PIK3R2: variants seen among roughly 807,000 people sequenced by gnomAD.
The protein encoded by PIK3R2 is phosphatidylinositol 3-kinase regulatory subunit beta.
In PIK3R2, 40 loss-of-function variants were observed where a neutral mutation model predicts 78.5. That is an observed-to-expected ratio of 0.51 (90% confidence interval 0.40 to 0.66). The LOEUF (loss-of-function observed/expected upper bound fraction) is 0.66. Among genes scored for constraint, PIK3R2 ranks in the 30% least tolerant of loss-of-function variants. The probability of loss-of-function intolerance (pLI) is 0.00; values close to 1 mark genes in which losing one functional copy is unlikely to be tolerated. For synonymous variants in PIK3R2, 473 were observed against 457.7 expected (o/e 1.03, Z -0.43); for missense variants, 880 against 1,026.6 (o/e 0.86, Z 1.95).
At chr19:18,163,170 G>C (rs1860380505) in intron 10 of PIK3R2, 23 bp downstream of exon 10, 9 of 1,613,654 alleles carry the variant, frequency 5.6e-6, no homozygotes, top group Admixed American at 1.7e-5. Flanking sequence ...CTGGGAGCCA[G>C]GGAGGGTAGC....
At position 18,161,148 on chromosome 19, in the gene PIK3R2, C is replaced by G. The variant is rs1372568022; in HGVS notation, c.561C>G (p.Thr187=). The G allele has an allele frequency of 1.3e-6, 2 of 1,552,432 alleles. No individual in the cohort carries two copies. Among genetic ancestry groups the G allele is most frequent in the Non-Finnish European group, 1.7e-6 (2 of 1,148,778 alleles). ...FLLALPAPLV[T]PEASAEARRA... is the part of the protein sequence containing the mutation. Reference sequence around the variant, plus strand: ...TGGCACTGCCCGCGCCGCTCGTGACCCCCGAGGCCTCGGCCGAGGCGCGCC... The same window carrying G: ...TGGCACTGCCCGCGCCGCTCGTGACGCCCGAGGCCTCGGCCGAGGCGCGCC... The change falls in exon 5 of 16, where the codon ACC becomes ACG. Residue 187 remains threonine (T), a synonymous_variant. Transcript: ENST00000222254. This position sits in a 1 kb window ranked among gnomAD's most constrained non-coding sequence, Gnocchi z 5.3.
intron 9 of PIK3R2, 49 bp from the exon 10 acceptor site, chr19:18,162,918 G>A (rs1463451057): frequency 1.9e-6 from 3 of 1,549,178 alleles, no homozygotes; most frequent in Non-Finnish European, 2.7e-6. Flanking sequence ...AGGGATTGAG[G>A]GTCAGGTGCG....
intron 3 of PIK3R2, 45 bp from the exon 4 acceptor site, chr19:18,160,873 CG>C (rs781645029): frequency 6.3e-7 from 1 of 1,575,674 alleles, no homozygotes; most frequent in African/African-American, 1.3e-5. Flanking sequence ...CTCACGAGGT[CG>C]GGGCAGCATT....
chr19:18,162,901 A>G (rs1319988598), intron 9 of PIK3R2, 66 bp from the exon 10 acceptor site: 11 of 1,445,154 alleles, frequency 7.6e-6, no homozygotes, highest in Middle Eastern at 2.2e-4. Context: ...TCAAAAAAAA[A>G]GGGGACAGGG....
At chr19:18,158,589 G>A (rs184644759) in intron 2 of PIK3R2, among the ~76,000 whole-genome samples, 640 of 151,692 alleles carry the variant, frequency 4.2e-3, no homozygotes, top group Non-Finnish European at 5.8e-3. Flanking sequence ...CTAGGATTGC[G>A]CCACTGCACT....
At chr19:18,166,493 C>T (rs987059585) in intron 12 of PIK3R2, among the ~76,000 whole-genome samples, 191 bp downstream of exon 12, 1 of 152,042 alleles carries the variant, frequency 6.6e-6, no homozygotes, top group African/African-American at 2.4e-5. Context: ...GGTGGATCTC[C>T]TGAGGCCAGG....
rs1211308935 is a variant in PIK3R2 at position 18,161,756 on chromosome 19, G to A, written c.816-210G>A. Among the ~76,000 whole-genome samples the A allele has an allele frequency of 1.3e-5, 2 of 152,192 alleles. No individual in the cohort carries two copies. The highest frequency in any genetic ancestry group is 6.5e-5 in the Admixed American group (1 of 15,280). ...GTCGCAGCTCCGGTACTGGTCTCTC[G>A]CTCGCCTTTGTGTGAGAATCTATGG... On this transcript the variant is annotated intron_variant, in intron 6 of 15. Coordinates refer to ENST00000222254, the MANE Select transcript of PIK3R2 (RefSeq NM_005027.4). This position sits in a 1 kb window ranked among gnomAD's most constrained non-coding sequence, Gnocchi z 5.3.
At position 18,168,037 on chromosome 19, in the gene PIK3R2, G is replaced by A. The variant is rs569397003; in HGVS notation, c.1737-438G>A. Among the ~76,000 whole-genome samples the A allele has an allele frequency of 5.9e-5, 9 of 152,282 alleles. No individual in the cohort carries two copies. Among genetic ancestry groups the A allele is most frequent in the South Asian group, 2.1e-4 (1 of 4,822 alleles). On this transcript the variant is annotated intron_variant, in intron 13 of 15. Transcript: ENST00000222254. This position sits in a 1 kb window ranked among gnomAD's most constrained non-coding sequence, Gnocchi z 4.1. ...TGGGCCTCAGGGAGGGCACTGTCGC[G>A]TGCCAGGTGCTGTGCTAAGCACCGT...
chr19:18,155,400 G>T, intron 1 of PIK3R2, 57 bp from the exon 2 acceptor site: 1 of 377,468 alleles, frequency 2.6e-6, no homozygotes, highest in Non-Finnish European at 4.7e-6. Context: ...GCCCATCTCC[G>T]TGTTGGGGGT....
At position 18,168,632 on chromosome 19, in the gene PIK3R2, C is replaced by A; in HGVS notation, c.1808+86C>A. On this transcript the variant is annotated intron_variant, in intron 14 of 15. Coordinates refer to ENST00000222254, the MANE Select transcript of PIK3R2 (RefSeq NM_005027.4). This position sits in a 1 kb window ranked among gnomAD's most constrained non-coding sequence, Gnocchi z 4.1. ...GGGTTTCGAAGAATGAGTAGGAGTT[C>A]ACCAGGGAGGAAAAGTTGTCCAGGC... The A allele has an allele frequency of 1.8e-6, 2 of 1,089,058 alleles. No individual in the cohort carries two copies. Among genetic ancestry groups the A allele is most frequent in the South Asian group, 1.3e-5 (1 of 79,370 alleles). The allele number at this position is 1,089,058 out of a possible 1,614,324, so 67.5% of individuals were successfully genotyped here. A position where few individuals can be genotyped will look rare whatever the true frequency, so the allele number is the denominator to read the frequency against.
In PIK3R2 at chr19:18,156,729, G is replaced by C. The variant is rs1339369076; in HGVS notation, c.322+528G>C. Among the ~76,000 whole-genome samples the C allele has an allele frequency of 6.6e-6, 1 of 152,172 alleles. No homozygotes were observed. The highest frequency in any genetic ancestry group is 1.9e-4 in the East Asian group (1 of 5,194). Reference sequence around the variant, plus strand: ...CCTGATTTCCAAAATGAAGCCACAAGGAGGGTAGGATGTGGGCTGCTCAGC... The same window carrying C: ...CCTGATTTCCAAAATGAAGCCACAACGAGGGTAGGATGTGGGCTGCTCAGC... On this transcript the variant is annotated intron_variant, in intron 2 of 15. Transcript: ENST00000222254. The surrounding 1 kb of genome is among the most constrained non-coding windows in gnomAD (Gnocchi z 4.2).
At position 18,167,380 on chromosome 19, in the gene PIK3R2, TCA is replaced by T; in HGVS notation, c.1736+75_1736+76del. On this transcript the variant is annotated intron_variant, in intron 13 of 15. Coordinates refer to ENST00000222254, the MANE Select transcript of PIK3R2 (RefSeq NM_005027.4). The surrounding 1 kb of genome is among the most constrained non-coding windows in gnomAD (Gnocchi z 4.5). ...GCACATGGAGATCTCTCTAGGAGTC[TCA>T]GTCTCTCTCTCTCCACCAAGTGGCC... The T allele has an allele frequency of 2.4e-6, 3 of 1,273,774 alleles. No homozygotes were observed. Among genetic ancestry groups the T allele is most frequent in the East Asian group, 2.8e-5 (1 of 36,220 alleles). 78.9% of individuals were successfully genotyped at this position (1,273,774 alleles called of 1,614,324 possible). A position where few individuals can be genotyped will look rare whatever the true frequency, so the allele number is the denominator to read the frequency against.
At position 18,156,570 on chromosome 19, in the gene PIK3R2, A is replaced by G. The variant is rs182940412; in HGVS notation, c.322+369A>G. Among the ~76,000 whole-genome samples, 2,207 of 152,226 alleles carry G rather than the reference A, an allele frequency of 0.014. 43 individuals are homozygous for G. Among genetic ancestry groups the G allele is most frequent in the Non-Finnish European group, 0.017 (1,145 of 67,990 alleles). ...GACCAGAGGGAGGAAGGGGAGGGCA[A>G]TGTGCGCTGGCATGGAGGACTTAGT... On this transcript the variant is annotated intron_variant, in intron 2 of 15. Coordinates refer to ENST00000222254, the MANE Select transcript of PIK3R2 (RefSeq NM_005027.4). This position sits in a 1 kb window ranked among gnomAD's most constrained non-coding sequence, Gnocchi z 4.2.
intron 11 of PIK3R2, among the ~76,000 whole-genome samples, chr19:18,164,722 G>A (rs10409167): frequency 0.49 from 71,594 of 145,130 alleles, 18,233 homozygotes; most frequent in East Asian, 0.74. Flanking sequence ...TGCAACCTCC[G>A]CCTCCCTGGT....
rs780564312 is a variant in PIK3R2 at position 18,156,250 on chromosome 19, C to T, written c.322+49C>T. On this transcript the variant is annotated intron_variant, in intron 2 of 15. Coordinates refer to ENST00000222254, the MANE Select transcript of PIK3R2 (RefSeq NM_005027.4). The surrounding 1 kb of genome is among the most constrained non-coding windows in gnomAD (Gnocchi z 4.2). ...GAAAGGGGGGTGGTCCCCTCAGACC[C>T]TTGGTCTCCTCTTCTGTCCAGTGAG... 1 of 1,351,402 alleles carries T rather than the reference C, an allele frequency of 7.4e-7. No homozygotes were observed. The highest frequency in any genetic ancestry group is 2.7e-5 in the Admixed American group (1 of 36,980). The allele number at this position is 1,351,402 out of a possible 1,614,324, so 83.7% of individuals were successfully genotyped here.
intron 2 of PIK3R2, 147 bp from the exon 3 acceptor site, chr19:18,160,324 C>A (rs1191368944): frequency 1.7e-5 from 11 of 636,660 alleles, no homozygotes; most frequent in South Asian, 1.1e-4. Flanking sequence ...CTTGCAGCCT[C>A]CTGCGGATGG....
At chr19:18,160,666 C>G (rs576071469) in intron 3 of PIK3R2, 103 bp downstream of exon 3, 187 of 1,010,382 alleles carry the variant, frequency 1.9e-4, no homozygotes, top group Non-Finnish European at 2.7e-4. Flanking sequence ...TGCACGGAAA[C>G]AGGCTGAGCC....
chr19:18,156,297 G>A lies in PIK3R2; in HGVS notation c.322+96G>A. The A allele has an allele frequency of 1.0e-6, 1 of 968,052 alleles. No individual in the cohort carries two copies. The highest frequency in any genetic ancestry group is 1.4e-6 in the Non-Finnish European group (1 of 689,782). 60.0% of individuals were successfully genotyped at this position (968,052 alleles called of 1,614,324 possible). ...TGAGGCAATGGGATCTCCAAGGAAG[G>A]AGGAAAAAGGACATTTGGTCATTTG... On this transcript the variant is annotated intron_variant, in intron 2 of 15. Transcript: ENST00000222254. The surrounding 1 kb of genome is among the most constrained non-coding windows in gnomAD (Gnocchi z 4.2).
intron 1 of PIK3R2, among the ~76,000 whole-genome samples, chr19:18,154,383 C>T (rs1397414437): frequency 1.3e-5 from 2 of 152,140 alleles, no homozygotes; most frequent in Non-Finnish European, 2.9e-5. Context: ...AAGGTTCCTT[C>T]TAAGCACCTC....
Sources: gnomAD v4.1 joint callset for allele counts (sites outside exome capture counted in the v4.1 genomes callset) on GRCh38, gnomAD v4.1.1 for gene constraint, Gnocchi (gnomAD v3.1) non-coding constraint, MANE v1.5 for transcripts, NCBI Gene and HGNC (gene_info 2026-07-23, HGNC 2026-07-21) for gene names.